ADAM7: variants seen among roughly 807,000 people sequenced by gnomAD.
ADAM7 encodes the protein disintegrin and metalloproteinase domain-containing protein 7.
A neutral mutation model predicts 102.9 loss-of-function variants in ADAM7; 97 were observed. The ratio of observed to expected loss-of-function variants is 0.94; its 90% CI spans 0.80 to 1.12. The LOEUF is 1.12. Ranked by LOEUF, ADAM7 falls within the 50% of genes most tolerant of loss-of-function variation. ADAM7 has a pLI of 0.00. For synonymous variants in ADAM7, 334 were observed against 304.4 expected (o/e 1.10, Z -1.01); for missense variants, 991 against 908.7 (o/e 1.09, Z -1.16).
intron 1 of ADAM7, among the ~76,000 whole-genome samples, chr8:24,441,990 A>G (rs1585840099): frequency 1.3e-5 from 2 of 152,120 alleles, no homozygotes; most frequent in South Asian, 4.1e-4. Flanking sequence ...CCTGGCCAAC[A>G]TGGTGAAACC....
intron 9 of ADAM7, among the ~76,000 whole-genome samples, chr8:24,484,835 G>A (rs1024865961): frequency 4.3e-5 from 6 of 139,642 alleles, no homozygotes; most frequent in African/African-American, 1.6e-4. Flanking sequence ...AATTGAGGTG[G>A]AGCCTCGCTC....
At chr8:24,442,137 A>G (rs10091326) in intron 1 of ADAM7, among the ~76,000 whole-genome samples, 148,109 of 152,302 alleles carry the variant, frequency 0.97, 72,029 homozygotes, top group East Asian at 1. Context: ...TCACGCCACT[A>G]CACTCCAGCC....
chr8:24,470,991 A>G (rs1819583311), intron 7 of ADAM7, among the ~76,000 whole-genome samples: 1 of 152,126 alleles, frequency 6.6e-6, no homozygotes, highest in Non-Finnish European at 1.5e-5. Context: ...CTTCAGTGGG[A>G]CAAGATATGG....
At chr8:24,484,209 T>C (rs1312486276) in intron 9 of ADAM7, among the ~76,000 whole-genome samples, 1 of 152,176 alleles carries the variant, frequency 6.6e-6, no homozygotes, top group Non-Finnish European at 1.5e-5. Context: ...TACTGATGCC[T>C]AATATGTAGG....
intron 7 of ADAM7, among the ~76,000 whole-genome samples, chr8:24,469,688 C>T (rs7816257): frequency 0.34 from 50,924 of 151,764 alleles, 8,728 homozygotes; most frequent in Admixed American, 0.39. Flanking sequence ...TGCTGTGACA[C>T]TAAATGTTTT....
intron 20 of ADAM7, among the ~76,000 whole-genome samples, chr8:24,503,044 G>A (rs965393624): frequency 1.3e-5 from 2 of 152,018 alleles, no homozygotes; most frequent in Non-Finnish European, 2.9e-5. Context: ...AATGAATCAT[G>A]ATCAAGTATT....
rs539044011 is a variant in ADAM7 at position 24,476,381 on chromosome 8, T to G, written c.634-52T>G. 12 of 1,368,136 alleles carry G rather than the reference T, an allele frequency of 8.8e-6. No individual in the cohort carries two copies. In the African/African-American group the frequency reaches 1.8e-4, roughly 20 times the overall value. 84.7% of individuals were successfully genotyped at this position (1,368,136 alleles called of 1,614,324 possible). A position where few individuals can be genotyped will look rare whatever the true frequency, so the allele number is the denominator to read the frequency against. On this transcript the variant is annotated intron_variant, in intron 7 of 21. Coordinates refer to ENST00000175238, the MANE Select transcript of ADAM7 (RefSeq NM_003817.4). ...GATGAATGAAGTATTTTGTTGAGCT[T>G]TTATGCAACTCCTATTATTAATGAA...
In ADAM7 at chr8:24,492,654, A is replaced by T; in HGVS notation, c.1655+57A>T. On this transcript the variant is annotated intron_variant, in intron 15 of 21. Transcript: ENST00000175238. Reference sequence around the variant, plus strand: ...CTTCTTACAGCACTTTGTCAAAATCAGAATGGCTCCTGTCCCCAGACCTGT... The same window carrying T: ...CTTCTTACAGCACTTTGTCAAAATCTGAATGGCTCCTGTCCCCAGACCTGT... 3.9e-6 allele frequency: 5 copies of T among 1,292,760 alleles called. No individual in the cohort carries two copies. In the Admixed American group the frequency reaches 8.8e-5, roughly 23 times the overall value. The allele number at this position is 1,292,760 out of a possible 1,614,324, so 80.1% of individuals were successfully genotyped here.
At chr8:24,452,343 G>A (rs1444852779) in intron 3 of ADAM7, among the ~76,000 whole-genome samples, 1 of 148,808 alleles carries the variant, frequency 6.7e-6, no homozygotes, top group African/African-American at 2.5e-5. Context: ...CCTGTATTGG[G>A]TGCATATATA....
At position 24,444,680 on chromosome 8, in the gene ADAM7, G is replaced by T. The variant is rs142118562; in HGVS notation, c.156+2104G>T. Among the ~76,000 whole-genome samples the T allele has an allele frequency of 5.3e-5, 8 of 151,076 alleles. No individual in the cohort carries two copies. The South Asian group carries it at 1.3e-3, about 24-fold the overall frequency. On this transcript the variant is annotated intron_variant, in intron 2 of 21. Coordinates refer to ENST00000175238, the MANE Select transcript of ADAM7 (RefSeq NM_003817.4). ...GATACTCCCCATAAAGGTCCAGATCGTAAAAAAAAAAACACAAAAAAACGA... is the reference window on the plus strand; with the variant it reads ...GATACTCCCCATAAAGGTCCAGATCTTAAAAAAAAAAACACAAAAAAACGA...
At chr8:24,492,789 A>T (rs1481669376) in intron 15 of ADAM7, among the ~76,000 whole-genome samples, 192 bp downstream of exon 15, 2 of 152,158 alleles carry the variant, frequency 1.3e-5, no homozygotes, top group African/African-American at 4.8e-5. Flanking sequence ...TTCCCCTGTA[A>T]ACTTAAGCCA....
At chr8:24,482,477 G>A (rs1055230320) in intron 9 of ADAM7, among the ~76,000 whole-genome samples, 166 bp downstream of exon 9, 4 of 152,112 alleles carry the variant, frequency 2.6e-5, no homozygotes, top group East Asian at 3.9e-4. Context: ...GCAAGGAACC[G>A]TAGCATATAT....
intron 3 of ADAM7, among the ~76,000 whole-genome samples, chr8:24,449,312 C>T (rs1302259390): frequency 3.3e-5 from 5 of 152,326 alleles, no homozygotes; most frequent in East Asian, 3.9e-4. Flanking sequence ...TCTCCAGCAC[C>T]TGTTGTTTCC....
chr8:24,464,057 G>A (rs1321148292), intron 4 of ADAM7, 97 bp downstream of exon 4: 10 of 1,053,364 alleles, frequency 9.5e-6, no homozygotes, highest in Non-Finnish European at 1.4e-5. Flanking sequence ...GTTTCAGAAA[G>A]TACTACATCA....
Position 24,465,692 on chromosome 8 carries a change from A to G in ADAM7, c.313-7A>G, listed in dbSNP as rs751481647. The G allele has an allele frequency of 1.9e-6, 3 of 1,584,396 alleles. No individual in the cohort carries two copies. The highest frequency in any genetic ancestry group is 1.7e-6 in the Non-Finnish European group (2 of 1,164,994). ...ACATATAGTAATAGAGTCTTCTTCT[A>G]TTTTAGGATCATTGTTTTTACCAAG... is the stretch of plus-strand genomic sequence containing the variant. On this transcript the variant is annotated splice_polypyrimidine_tract_variant and splice_region_variant and intron_variant, in intron 4 of 21. Transcript: ENST00000175238.
At chr8:24,466,330 A>T (rs1310250638) in intron 5 of ADAM7, among the ~76,000 whole-genome samples, 2 of 152,176 alleles carry the variant, frequency 1.3e-5, no homozygotes, top group Admixed American at 1.3e-4. Context: ...AAGAACAAGG[A>T]AGTTCTGTCT....
intron 20 of ADAM7, among the ~76,000 whole-genome samples, chr8:24,502,873 A>T (rs1288081863): frequency 6.6e-6 from 1 of 151,870 alleles, no homozygotes; most frequent in Non-Finnish European, 1.5e-5. Context: ...TTATTTTATG[A>T]GGCCAATATT....
intron 3 of ADAM7, among the ~76,000 whole-genome samples, chr8:24,455,114 C>T (rs1006429381): frequency 6.6e-6 from 1 of 152,008 alleles, no homozygotes. Context: ...TTACCTGTTG[C>T]ATCTAGTTAA....
intron 13 of ADAM7, 35 bp downstream of exon 13, chr8:24,490,923 T>G: frequency 6.3e-7 from 1 of 1,597,426 alleles, no homozygotes; most frequent in Non-Finnish European, 8.6e-7. Context: ...TTTTTTTTTT[T>G]CAGTTTAAGA....
Sources: gnomAD v4.1 joint callset for allele counts (sites outside exome capture counted in the v4.1 genomes callset) on GRCh38, gnomAD v4.1.1 for gene constraint, MANE v1.5 for transcripts, NCBI Gene and HGNC (gene_info 2026-07-23, HGNC 2026-07-21) for gene names.